Variants in CNTNAP5 observed in about 807,000 individuals in gnomAD.
CNTNAP5 encodes contactin-associated protein-like 5.
A neutral mutation model predicts 150.2 loss-of-function variants in CNTNAP5; 72 were observed. The observed-to-expected ratio is 0.48, with a 90% CI of 0.40 to 0.58. The LOEUF is 0.58. Among genes scored for constraint, CNTNAP5 ranks in the 20% least tolerant of loss-of-function variants. The probability of loss-of-function intolerance (pLI) is 0.00; values close to 1 mark genes in which losing one functional copy is unlikely to be tolerated. For synonymous variants in CNTNAP5, 672 were observed against 619.8 expected, an observed-to-expected ratio of 1.08 and a Z score of -1.25; for missense variants, 1,636 against 1,626.2, an observed-to-expected ratio of 1.01 and a Z score of -0.10.
At chr2:124,765,932 G>T (rs1206979454) in intron 16 of CNTNAP5, among the ~76,000 whole-genome samples, 1 of 151,610 alleles carries the variant, frequency 6.6e-6, no homozygotes, top group Non-Finnish European at 1.5e-5. Flanking sequence ...CCCCAGCCTG[G>T]GTAACAAGAG....
chr2:124,905,116 GT>G (rs144751050), intron 22 of CNTNAP5, among the ~76,000 whole-genome samples: 2 of 108,494 alleles, frequency 1.8e-5, no homozygotes, highest in Admixed American at 9.1e-5. Flanking sequence ...GTTTTTTTTT[GT>G]TTTTTTTTGT....
chr2:124,256,961 T>TGACTGATA (rs1687329639), intron 3 of CNTNAP5, among the ~76,000 whole-genome samples: 1 of 152,140 alleles, frequency 6.6e-6, no homozygotes, highest in African/African-American at 2.4e-5. Flanking sequence ...ATAAATCTAA[T>TGACTGATA]GACTGATATC....
At chr2:124,716,980 C>T (rs1679958109) in intron 13 of CNTNAP5, among the ~76,000 whole-genome samples, 4 of 152,128 alleles carry the variant, frequency 2.6e-5, no homozygotes, top group Admixed American at 2.6e-4. Flanking sequence ...TTCCCTCTGC[C>T]TAAATATCCC....
chr2:124,449,960 C>G (rs1230794013), intron 6 of CNTNAP5, among the ~76,000 whole-genome samples: 8 of 152,048 alleles, frequency 5.3e-5, no homozygotes, highest in African/African-American at 1.5e-4. Flanking sequence ...CTGTGTAAAC[C>G]TGGGAAATAA....
chr2:124,361,111 G>T (rs1440175750), intron 3 of CNTNAP5, among the ~76,000 whole-genome samples: 3 of 146,666 alleles, frequency 2.0e-5, no homozygotes, highest in Non-Finnish European at 4.5e-5. Context: ...CGGCTCCTGA[G>T]GCTTCTGCAT....
chr2:124,706,929 A>C (rs1208335718), intron 13 of CNTNAP5, among the ~76,000 whole-genome samples: 1 of 19,342 alleles, frequency 5.2e-5, no homozygotes, highest in Admixed American at 4.7e-4. Flanking sequence ...AAGAAGAAGA[A>C]GAAGAAGAAG....
chr2:124,732,484 A>C (rs1680292837), intron 13 of CNTNAP5, among the ~76,000 whole-genome samples: 1 of 152,092 alleles, frequency 6.6e-6, no homozygotes, highest in Admixed American at 6.6e-5. Context: ...AAACAGGCCC[A>C]AGGGAGACCC....
intron 3 of CNTNAP5, among the ~76,000 whole-genome samples, chr2:124,400,238 A>G (rs778222508): frequency 3.2e-4 from 49 of 152,202 alleles, no homozygotes; most frequent in Middle Eastern, 3.4e-3. Flanking sequence ...TTAGAGTGTC[A>G]TCGCAGGGAG....
chr2:124,506,260 T>A (rs1212959997), intron 8 of CNTNAP5, among the ~76,000 whole-genome samples: 1 of 151,610 alleles, frequency 6.6e-6, no homozygotes, highest in East Asian at 1.9e-4. Context: ...TCATACCAGC[T>A]AAAGATTGCC....
intron 1 of CNTNAP5, among the ~76,000 whole-genome samples, chr2:124,063,089 C>G (rs1682057503): frequency 6.6e-6 from 1 of 151,926 alleles, no homozygotes; most frequent in Non-Finnish European, 1.5e-5. Flanking sequence ...TTATGTTGTT[C>G]CAGCAAAAAG....
intron 11 of CNTNAP5, among the ~76,000 whole-genome samples, chr2:124,576,090 G>T (rs919121606): frequency 6.6e-6 from 1 of 152,138 alleles, no homozygotes; most frequent in African/African-American, 2.4e-5. Flanking sequence ...CATAGCTGTA[G>T]TTCCAGATTT....
chr2:124,349,681 C>G (rs2104700705), intron 3 of CNTNAP5, among the ~76,000 whole-genome samples: 1 of 152,242 alleles, frequency 6.6e-6, no homozygotes, highest in Middle Eastern at 3.4e-3. Context: ...GGAAATTACA[C>G]TTACTTCAAT....
chr2:124,647,721 C>T, intron 12 of CNTNAP5, 37 bp from the exon 13 acceptor site: 1 of 1,535,234 alleles, frequency 6.5e-7, no homozygotes, highest in Non-Finnish European at 8.8e-7. Context: ...GACATTGCTT[C>T]TAACGTCTCT....
chr2:124,871,070 GTCC>G (rs139747441), intron 21 of CNTNAP5, among the ~76,000 whole-genome samples: 10,266 of 151,934 alleles, frequency 0.068, 1,093 homozygotes, highest in African/African-American at 0.23. Context: ...TCCATTCACA[GTCC>G]TAATAATAAT....
chr2:124,707,174 G>C (rs1488049336), intron 13 of CNTNAP5, among the ~76,000 whole-genome samples: 2 of 148,600 alleles, frequency 1.3e-5, no homozygotes, highest in African/African-American at 4.9e-5. Context: ...AGAAGAAGAA[G>C]AAGAAGAAGA....
intron 19 of CNTNAP5, among the ~76,000 whole-genome samples, chr2:124,807,734 C>T (rs1040646699): frequency 3.3e-5 from 5 of 152,282 alleles, no homozygotes; most frequent in African/African-American, 1.2e-4. Flanking sequence ...CCATGTTTTT[C>T]TGGATGCTTG....
chr2:124,205,957 C>T (rs190170277), intron 1 of CNTNAP5, among the ~76,000 whole-genome samples: 127 of 152,260 alleles, frequency 8.3e-4, no homozygotes, highest in African/African-American at 2.8e-3. Context: ...TAAAAGTGGG[C>T]CTTTAGTCCC....
intron 13 of CNTNAP5, among the ~76,000 whole-genome samples, chr2:124,729,831 C>T (rs1484383424): frequency 6.6e-6 from 1 of 152,034 alleles, no homozygotes; most frequent in Non-Finnish European, 1.5e-5. Flanking sequence ...ATCCAAAAAA[C>T]CTGTTCACAT....
intron 12 of CNTNAP5, among the ~76,000 whole-genome samples, chr2:124,611,632 C>T (rs1677386867): frequency 6.6e-6 from 1 of 152,112 alleles, no homozygotes; most frequent in Admixed American, 6.5e-5. Context: ...AGGCAGATTT[C>T]CCAGCCCCAG....
Sources: gnomAD v4.1 joint callset for allele counts (sites outside exome capture counted in the v4.1 genomes callset) on GRCh38, gnomAD v4.1.1 for gene constraint, MANE v1.5 for transcripts, NCBI Gene and HGNC (gene_info 2026-07-23, HGNC 2026-07-21) for gene names.